GLIS3: variants seen among roughly 807,000 people sequenced by gnomAD.
GLIS3 encodes the protein GLIS family zinc finger 3.
GLIS3 carries 53 observed loss-of-function variants against 78.6 expected under a neutral mutation model. That is an observed-to-expected ratio of 0.67 (90% confidence interval 0.54 to 0.85). The LOEUF is 0.85. Ranked by LOEUF, GLIS3 falls within the 40% of genes least tolerant of loss-of-function variation. The pLI, the probability that GLIS3 is intolerant of heterozygous loss-of-function variation, is 0.00. For missense variants in GLIS3, 1,703 were observed against 1,231.1 expected, an observed-to-expected ratio of 1.38 and a Z score of -5.74; for synonymous variants, 684 against 509.9, an observed-to-expected ratio of 1.34 and a Z score of -4.60.
At chr9:4,441,862 C>T in the GLIS3 span, among the ~76,000 whole-genome samples, 1 of 152,182 alleles carries the variant, frequency 6.6e-6, no homozygotes, top group Non-Finnish European at 1.5e-5. Flanking sequence ...ACCTCGGCCT[C>T]CCCAAGTGCT....
intron 2 of GLIS3, among the ~76,000 whole-genome samples, chr9:4,186,798 T>A (rs926416989): frequency 6.6e-6 from 1 of 152,224 alleles, no homozygotes; most frequent in African/African-American, 2.4e-5. Flanking sequence ...AAATGTCTTC[T>A]TTTGAGAAGT....
intron 2 of GLIS3, among the ~76,000 whole-genome samples, chr9:4,236,309 T>C (rs1822749787): frequency 6.6e-6 from 1 of 151,936 alleles, no homozygotes; most frequent in Non-Finnish European, 1.5e-5. Flanking sequence ...CCTAAACATG[T>C]TTGTGGTTTA....
intron 2 of GLIS3, among the ~76,000 whole-genome samples, chr9:4,320,235 A>G (rs1175109784): frequency 2.0e-5 from 3 of 152,120 alleles, no homozygotes; most frequent in African/African-American, 7.2e-5. Flanking sequence ...CTGACCCTGC[A>G]TGCTTCATTC....
At chr9:3,897,100 C>T (rs1258943444) in intron 7 of GLIS3, among the ~76,000 whole-genome samples, 2 of 152,156 alleles carry the variant, frequency 1.3e-5, no homozygotes, top group African/African-American at 4.8e-5. Flanking sequence ...CTGTATGCTA[C>T]ATACAACAAA....
intron 4 of GLIS3, among the ~76,000 whole-genome samples, chr9:3,978,431 T>G (rs533074310): frequency 9.9e-5 from 15 of 152,204 alleles, no homozygotes; most frequent in Non-Finnish European, 1.3e-4. Context: ...ATACATACTG[T>G]AAAGATTTCT....
chr9:4,106,463 G>A (rs1055573313), intron 4 of GLIS3, among the ~76,000 whole-genome samples: 1 of 152,116 alleles, frequency 6.6e-6, no homozygotes, highest in African/African-American at 2.4e-5. Flanking sequence ...TTTACAATTT[G>A]TCATCCTTGG....
intron 2 of GLIS3, among the ~76,000 whole-genome samples, chr9:4,145,914 T>C (rs567178177): frequency 6.6e-6 from 1 of 152,234 alleles, no homozygotes; most frequent in African/African-American, 2.4e-5. Flanking sequence ...AATATAGAAA[T>C]TCCTAAAAAG....
chr9:4,404,829 G>C, the GLIS3 span, among the ~76,000 whole-genome samples: 1 of 151,882 alleles, frequency 6.6e-6, no homozygotes, highest in African/African-American at 2.4e-5. Context: ...GGAACAAACT[G>C]AACCCAAAAT....
Position 4,292,322 on chromosome 9 carries a change from C to T in GLIS3, c.-98-5799G>A, listed in dbSNP as rs144157574. ...TAATGGTGAACTATTGGTTTTACTT[C>T]ACTTATTTGTGGGTATACCTATCTG... On this transcript the variant is annotated intron_variant, in intron 1 of 10. Coordinates refer to ENST00000381971, the MANE Select transcript of GLIS3 (RefSeq NM_001042413.2). Among the ~76,000 whole-genome samples, 237 of 152,264 alleles carry T rather than the reference C, an allele frequency of 1.6e-3. 1 individual carries two copies. Among genetic ancestry groups the T allele is most frequent in the African/African-American group, 5.5e-3 (227 of 41,570 alleles).
intron 2 of GLIS3, among the ~76,000 whole-genome samples, chr9:4,268,575 G>A (rs12377056): frequency 0.21 from 32,296 of 151,996 alleles, 3,611 homozygotes; most frequent in Admixed American, 0.25. Context: ...ATCATTCTAG[G>A]CAATGTAAGA....
the GLIS3 span, among the ~76,000 whole-genome samples, chr9:4,407,801 G>A: frequency 2.0e-5 from 3 of 152,008 alleles, no homozygotes; most frequent in African/African-American, 4.8e-5. Context: ...GCACAACAAA[G>A]AAAACAATCA....
chr9:4,190,414 C>T (rs939390139), intron 2 of GLIS3, among the ~76,000 whole-genome samples: 4 of 150,588 alleles, frequency 2.7e-5, no homozygotes, highest in African/African-American at 4.8e-5. Context: ...ATGCGATCAA[C>T]TGGAAGAAAG....
Position 4,266,535 on chromosome 9 carries a change from C to T in GLIS3, c.388+19503G>A, listed in dbSNP as rs561917929. Reference sequence around the variant, plus strand: ...CCTATTAAGGTACCACTGGTTCTTACTGCCCACCCTCTTCAGCATACACAA... The same window carrying T: ...CCTATTAAGGTACCACTGGTTCTTATTGCCCACCCTCTTCAGCATACACAA... On this transcript the variant is annotated intron_variant, in intron 2 of 10. Transcript: ENST00000381971. Among the ~76,000 whole-genome samples, 4 of 152,134 alleles carry T rather than the reference C, an allele frequency of 2.6e-5. No homozygotes were observed. The South Asian group carries it at 6.2e-4, about 24-fold the overall frequency.
chr9:4,452,263 A>T, the GLIS3 span, among the ~76,000 whole-genome samples: 2 of 152,176 alleles, frequency 1.3e-5, no homozygotes, highest in Admixed American at 6.5e-5. Flanking sequence ...AAACTGGCAC[A>T]AGACAAGGAT....
intron 4 of GLIS3, among the ~76,000 whole-genome samples, chr9:4,107,669 AT>A (rs1564059301): frequency 6.6e-6 from 1 of 151,976 alleles, no homozygotes; most frequent in African/African-American, 2.4e-5. Context: ...CTTTCATCTC[AT>A]TCCTAAGCAC....
chr9:4,470,008 A>C, the GLIS3 span, among the ~76,000 whole-genome samples: 1 of 152,228 alleles, frequency 6.6e-6, no homozygotes, highest in Non-Finnish European at 1.5e-5. Flanking sequence ...ATCTAGAAGA[A>C]ATGGATAAAT....
chr9:4,005,687 A>G (rs1821487653), intron 4 of GLIS3, among the ~76,000 whole-genome samples: 1 of 152,236 alleles, frequency 6.6e-6, no homozygotes, highest in African/African-American at 2.4e-5. Context: ...GTTGTCATGA[A>G]TATCAAACAT....
At chr9:4,403,635 G>C in the GLIS3 span, among the ~76,000 whole-genome samples, 1 of 152,106 alleles carries the variant, frequency 6.6e-6, no homozygotes, top group Non-Finnish European at 1.5e-5. Flanking sequence ...TGGATATACA[G>C]TGTTAAGTTG....
At chr9:4,177,842 G>T (rs1046940202) in intron 2 of GLIS3, among the ~76,000 whole-genome samples, 8 of 152,286 alleles carry the variant, frequency 5.3e-5, no homozygotes, top group African/African-American at 1.7e-4. Context: ...GCGACAGAAA[G>T]ATAGTATTCA....
Sources: gnomAD v4.1 joint callset for allele counts (sites outside exome capture counted in the v4.1 genomes callset) on GRCh38, gnomAD v4.1.1 for gene constraint, MANE v1.5 for transcripts, NCBI Gene and HGNC (gene_info 2026-07-23, HGNC 2026-07-21) for gene names.